Variants in ACOXL observed in about 807,000 individuals in gnomAD.
The protein encoded by ACOXL is acyl-CoA oxidase like.
In ACOXL, 70 loss-of-function variants were observed where a neutral mutation model predicts 71.9. The ratio of observed to expected loss-of-function variants is 0.97; its 90% CI spans 0.80 to 1.19. The LOEUF (loss-of-function observed/expected upper bound fraction) is 1.19, where lower values mean the gene tolerates loss of function less well. ACOXL is among the 50% of genes most tolerant of loss of function. The pLI is 0.00. For synonymous variants in ACOXL, 253 were observed against 281.6 expected (o/e 0.90, Z 1.02); for missense variants, 703 against 736.3 (o/e 0.95, Z 0.52).
intron 16 of ACOXL, among the ~76,000 whole-genome samples, chr2:111,059,828 GA>G (rs2066719401): frequency 6.6e-6 from 1 of 151,436 alleles, no homozygotes; most frequent in Non-Finnish European, 1.5e-5. Context: ...GGAAGAGGAA[GA>G]GAGAAAGGAA....
chr2:110,934,950 C>T (rs530453298), intron 12 of ACOXL, among the ~76,000 whole-genome samples: 98 of 152,274 alleles, frequency 6.4e-4, no homozygotes, highest in African/African-American at 2.1e-3. Flanking sequence ...GGGGCAATGG[C>T]GCGATGTGAC....
chr2:110,767,579 A>G (rs888075620), intron 1 of ACOXL, among the ~76,000 whole-genome samples: 2 of 152,196 alleles, frequency 1.3e-5, no homozygotes, highest in African/African-American at 4.8e-5. Flanking sequence ...CTCATGGTGA[A>G]TGTAATTACC....
intron 9 of ACOXL, among the ~76,000 whole-genome samples, chr2:110,824,646 TC>T (rs1237751912): frequency 8.5e-5 from 13 of 152,352 alleles, no homozygotes; most frequent in Admixed American, 5.2e-4. Context: ...CTGTATTTTT[TC>T]ATTCTAAAAT....
chr2:110,845,444 G>C (rs935769862), intron 10 of ACOXL, among the ~76,000 whole-genome samples: 2 of 152,178 alleles, frequency 1.3e-5, no homozygotes, highest in Non-Finnish European at 2.9e-5. Flanking sequence ...GCAAACCCTA[G>C]CACCATTTTA....
chr2:110,741,919 GGA>G (rs1246356941), intron 1 of ACOXL, among the ~76,000 whole-genome samples: 3 of 152,218 alleles, frequency 2.0e-5, no homozygotes, highest in African/African-American at 7.2e-5. Flanking sequence ...CGGTGAGAGA[GGA>G]GAGAGGCGGA....
chr2:111,116,801 C>CT (rs2070386341), intron 17 of ACOXL, among the ~76,000 whole-genome samples: 1 of 144,518 alleles, frequency 6.9e-6, no homozygotes, highest in Admixed American at 6.8e-5. Context: ...AGTTTGGTAG[C>CT]TTTTTTTCCT....
intron 16 of ACOXL, among the ~76,000 whole-genome samples, chr2:111,055,680 A>G (rs2066499647): frequency 6.6e-6 from 1 of 152,208 alleles, no homozygotes; most frequent in Non-Finnish European, 1.5e-5. Flanking sequence ...TGGGAATGGG[A>G]TTGGGCCTCC....
intron 9 of ACOXL, among the ~76,000 whole-genome samples, chr2:110,822,626 A>G (rs941141809): frequency 2.6e-5 from 4 of 152,156 alleles, no homozygotes; most frequent in African/African-American, 9.7e-5. Flanking sequence ...CTTTTATCAC[A>G]GTCTACATTC....
intron 16 of ACOXL, among the ~76,000 whole-genome samples, chr2:111,079,791 A>G (rs951725425): frequency 2.0e-5 from 3 of 150,772 alleles, no homozygotes; most frequent in Non-Finnish European, 2.9e-5. Context: ...CCAGAACCAG[A>G]GCCCATAGCC....
intron 10 of ACOXL, among the ~76,000 whole-genome samples, chr2:110,846,780 T>C (rs1691935996): frequency 6.8e-6 from 1 of 146,048 alleles, no homozygotes; most frequent in Admixed American, 6.9e-5. Flanking sequence ...GAGGGGTGTG[T>C]GTGTGTTGGG....
chr2:110,929,431 T>G (rs990545256), intron 11 of ACOXL, among the ~76,000 whole-genome samples: 1 of 152,142 alleles, frequency 6.6e-6, no homozygotes, highest in Non-Finnish European at 1.5e-5. Context: ...AGAGATGACT[T>G]GGGTGCTGTT....
intron 10 of ACOXL, among the ~76,000 whole-genome samples, chr2:110,904,172 C>T (rs1574061012): frequency 6.6e-6 from 1 of 152,004 alleles, no homozygotes; most frequent in East Asian, 1.9e-4. Flanking sequence ...GTGGTGCCTA[C>T]TCTTCTGCCC....
At chr2:111,084,178 C>T (rs906904203) in intron 16 of ACOXL, among the ~76,000 whole-genome samples, 2 of 150,640 alleles carry the variant, frequency 1.3e-5, no homozygotes, top group African/African-American at 4.9e-5. Context: ...AAATAAAAAA[C>T]GGTTATGATT....
intron 2 of ACOXL, among the ~76,000 whole-genome samples, chr2:110,774,074 T>C (rs1682329470): frequency 6.6e-6 from 1 of 152,258 alleles, no homozygotes; most frequent in African/African-American, 2.4e-5. Context: ...CCTTCATTAT[T>C]ACTCGTGCAG....
chr2:111,072,080 A>C (rs912323426), intron 16 of ACOXL, among the ~76,000 whole-genome samples: 1 of 152,242 alleles, frequency 6.6e-6, no homozygotes. Context: ...GTTTCAGTAC[A>C]TAGACACTTA....
In ACOXL at chr2:111,052,387, C is replaced by G. The variant is rs80153875; in HGVS notation, c.1440+3099C>G. 3.7e-3 allele frequency among the ~76,000 whole-genome samples: 565 copies of G among 152,192 alleles called. 10 individuals are homozygous for G. In the East Asian group the frequency reaches 0.046, roughly 13 times the overall value. On this transcript the variant is annotated intron_variant, in intron 16 of 17. Transcript: ENST00000439055. ...CAGGCTTCTGGAGTCACTCTCAAGG[C>G]TTGTTAATCACATCCTTGTTGCTGG...
Position 110,987,201 on chromosome 2 carries a change from G to C in ACOXL, c.1153G>C (p.Asp385His). ...LLQNWAESVG[D>H]KLRTSFLAFN... is the part of the protein sequence containing the mutation. The stretch of plus-strand genomic sequence containing the variant: ...CCAAAACTGGGCTGAATCTGTGGGG[G>C]ACAAGCTGAGAACCAGGTACGTATT... Residue 385 changes from aspartate to histidine, a missense_variant, in exon 13 of 18, where the codon GAC becomes CAC. Physicochemically the swap from Asp to His is moderately conservative, Grantham distance 81. Transcript: ENST00000439055. 6.4e-7 allele frequency: 1 copy of C among 1,573,224 alleles called. No homozygotes were observed. The highest frequency in any genetic ancestry group is 8.6e-7 in the Non-Finnish European group (1 of 1,156,382).
chr2:111,116,273 C>T (rs1574810447), intron 17 of ACOXL, among the ~76,000 whole-genome samples: 1 of 152,236 alleles, frequency 6.6e-6, no homozygotes, highest in Non-Finnish European at 1.5e-5. Context: ...CTTGCAAATA[C>T]GATCAAAGGT....
chr2:111,107,782 C>T (rs913727713), intron 17 of ACOXL, among the ~76,000 whole-genome samples: 3 of 152,226 alleles, frequency 2.0e-5, no homozygotes, highest in African/African-American at 7.2e-5. Flanking sequence ...GTCACCACGC[C>T]CGGCCTTTGA....
Sources: gnomAD v4.1 joint callset for allele counts (sites outside exome capture counted in the v4.1 genomes callset) on GRCh38, gnomAD v4.1.1 for gene constraint, MANE v1.5 for transcripts, NCBI Gene and HGNC (gene_info 2026-07-23, HGNC 2026-07-21) for gene names.